Variants in JADE1 observed in about 807,000 individuals in gnomAD.
JADE1 encodes the protein protein Jade-1.
Under a neutral mutation model 81.8 loss-of-function variants are expected in JADE1, and 14 were observed. That is an observed-to-expected ratio of 0.17 (90% CI 0.11 to 0.27). The LOEUF is 0.27. Among genes scored for constraint, JADE1 ranks in the 10% least tolerant of loss-of-function variants. The pLI is 1.00. For synonymous variants in JADE1, 353 were observed against 391.9 expected (o/e 0.90, Z 1.17); for missense variants, 690 against 1,047.9 (o/e 0.66, Z 4.71).
chr4:128,873,770 G>C lies in JADE1; in HGVS notation c.*1508G>C, dbSNP rs941660734. On this transcript the variant is annotated 3_prime_UTR_variant, in exon 11 of 11. Transcript: ENST00000226319. ...AGATTCCTGATTCATTTATACATCT[G>C]TTTCCATATGGCAGGGACATTATGA... The C allele has an allele frequency of 2.0e-5, 3 of 152,470 alleles. No individual in the cohort carries two copies. The highest frequency in any genetic ancestry group is 4.8e-5 in the African/African-American group (2 of 41,438). The allele number at this position is 152,470 out of a possible 1,614,324, so 9.4% of individuals were successfully genotyped here.
At position 128,817,586 on chromosome 4, in the gene JADE1, T is replaced by G. The variant is rs554260587; in HGVS notation, c.-27+7709T>G. Among the ~76,000 whole-genome samples the G allele has an allele frequency of 2.0e-5, 3 of 152,348 alleles. No individual in the cohort carries two copies. In the South Asian group the frequency reaches 6.2e-4, roughly 32 times the overall value. On this transcript the variant is annotated intron_variant, in intron 1 of 10. Coordinates refer to ENST00000226319, the MANE Select transcript of JADE1 (RefSeq NM_199320.4). ...TTGAGGTTGAACTTCATGGCTTGCT[T>G]TAATTTAGCACAAAGTACACTAAAT... is the stretch of plus-strand genomic sequence containing the variant.
At chr4:128,824,746 TTTAA>T (rs1326242256) in intron 1 of JADE1, among the ~76,000 whole-genome samples, 1 of 152,234 alleles carries the variant, frequency 6.6e-6, no homozygotes, top group Non-Finnish European at 1.5e-5. Flanking sequence ...TGTAGCGGTC[TTTAA>T]TTGAGTACCT....
intron 1 of JADE1, chr4:128,811,845 A>G (rs1437332191): frequency 2.6e-5 from 4 of 151,816 alleles, no homozygotes; most frequent in African/African-American, 9.7e-5. Flanking sequence ...GACAGAGGTG[A>G]TACACAGTTT....
intron 1 of JADE1, among the ~76,000 whole-genome samples, chr4:128,818,230 C>T (rs1379110486): frequency 2.6e-5 from 4 of 152,026 alleles, no homozygotes; most frequent in Non-Finnish European, 4.4e-5. Context: ...AAGCAATTCT[C>T]CTGCCTCAGC....
chr4:128,819,470 G>C (rs756083994), intron 1 of JADE1, among the ~76,000 whole-genome samples: 3 of 152,004 alleles, frequency 2.0e-5, no homozygotes, highest in Non-Finnish European at 2.9e-5. Flanking sequence ...CACACCCTCC[G>C]GGGGGGTCAA....
intron 1 of JADE1, among the ~76,000 whole-genome samples, chr4:128,829,958 A>T (rs2125823919): frequency 6.6e-6 from 1 of 151,020 alleles, no homozygotes; most frequent in Admixed American, 6.6e-5. Flanking sequence ...ACTCATTCCA[A>T]CCTCCGCCTC....
intron 1 of JADE1, among the ~76,000 whole-genome samples, chr4:128,818,395 A>C (rs1327943921): frequency 6.6e-6 from 1 of 152,138 alleles, no homozygotes; most frequent in East Asian, 1.9e-4. Context: ...TGGTGGGATT[A>C]GAAACGTGAG....
chr4:128,859,271 A>G (rs1473330427), intron 8 of JADE1, among the ~76,000 whole-genome samples: 1 of 150,558 alleles, frequency 6.6e-6, no homozygotes, highest in African/African-American at 2.5e-5. Flanking sequence ...TGGGGGTGTG[A>G]GTGTGCATGT....
rs878888918 is a variant in JADE1, at chr4:128,861,898, C to A, written c.1176C>A (p.Ser392=). 1 of 1,613,948 alleles carries A rather than the reference C, an allele frequency of 6.2e-7. No individual in the cohort carries two copies. Among genetic ancestry groups the A allele is most frequent in the South Asian group, 1.1e-5 (1 of 91,088 alleles). ...AAQENGAPEC[S]PRNPLEPFAS... Reference sequence around the variant, plus strand: ...AGGAGAATGGGGCCCCTGAGTGTTCCCCCCGGAATCCGCTGGAGCCCTTTG... The same window carrying A: ...AGGAGAATGGGGCCCCTGAGTGTTCACCCCGGAATCCGCTGGAGCCCTTTG... The change falls in exon 9 of 11, where the codon TCC becomes TCA. Residue 392 remains serine (S), a synonymous_variant. Coordinates refer to ENST00000226319, the MANE Select transcript of JADE1 (RefSeq NM_199320.4).
At chr4:128,813,407 C>CTTTTTTTTTTTTTT (rs72296886) in intron 1 of JADE1, among the ~76,000 whole-genome samples, 13 of 115,554 alleles carry the variant, frequency 1.1e-4, no homozygotes, top group East Asian at 5.0e-4. Context: ...CTTACGGTCA[C>CTTTTTTTTTTTTTT]TTTTTTTTTT....
At chr4:128,845,852 A>G (rs1729826922) in intron 3 of JADE1, among the ~76,000 whole-genome samples, 1 of 151,602 alleles carries the variant, frequency 6.6e-6, no homozygotes, top group African/African-American at 2.4e-5. Flanking sequence ...TGAACCTGGG[A>G]GGCAGAGGTT....
chr4:128,869,806 G>A (rs1240498632), intron 10 of JADE1, among the ~76,000 whole-genome samples: 1 of 152,216 alleles, frequency 6.6e-6, no homozygotes, highest in Non-Finnish European at 1.5e-5. Flanking sequence ...TCTTCCTGTA[G>A]GATTCTGTTG....
At chr4:128,858,762 C>T (rs955360638) in intron 8 of JADE1, among the ~76,000 whole-genome samples, 43 of 152,024 alleles carry the variant, frequency 2.8e-4, no homozygotes, top group African/African-American at 8.9e-4. Context: ...ACCAGCAAGC[C>T]CGGCTAATTC....
Position 128,872,285 on chromosome 4 carries a change from C to A in JADE1, c.*23C>A. ...TGATGCAACAGAGATGATGCGGAAG[C>A]CCTTTGGGCTCGTCATTGGGTTTGC... On this transcript the variant is annotated 3_prime_UTR_variant, in exon 11 of 11. Transcript: ENST00000226319. 6.2e-7 allele frequency: 1 copy of A among 1,601,010 alleles called. No homozygotes were observed. The highest frequency in any genetic ancestry group is 8.5e-7 in the Non-Finnish European group (1 of 1,171,026).
At chr4:128,849,519 A>T (rs1047312198) in intron 5 of JADE1, among the ~76,000 whole-genome samples, 4 of 152,180 alleles carry the variant, frequency 2.6e-5, no homozygotes, top group African/African-American at 9.7e-5. Flanking sequence ...TTTTCCTGTG[A>T]TGCCATTCGG....
At chr4:128,862,995 G>C (rs1731483888) in intron 9 of JADE1, 1 of 985,742 alleles carries the variant, frequency 1.0e-6, no homozygotes, top group South Asian at 4.7e-5. Context: ...AGGGGTGTCA[G>C]ATCTGTCTGA....
rs932852503 is a variant in JADE1, at chr4:128,843,394, G to C, written c.138+356G>C. 3.3e-5 allele frequency among the ~76,000 whole-genome samples: 5 copies of C among 152,302 alleles called. No individual in the cohort carries two copies. In the East Asian group the frequency reaches 9.7e-4, roughly 29 times the overall value. On this transcript the variant is annotated intron_variant, in intron 3 of 10. Coordinates refer to ENST00000226319, the MANE Select transcript of JADE1 (RefSeq NM_199320.4). ...TCTGGCCAGGATATCAGCAGGTTCA[G>C]CTGCTGCCAAGTCACTGCCAGCCTC...
At chr4:128,856,441 T>C (rs1730804221) in intron 7 of JADE1, among the ~76,000 whole-genome samples, 1 of 152,160 alleles carries the variant, frequency 6.6e-6, no homozygotes, top group Non-Finnish European at 1.5e-5. Flanking sequence ...CTTAAACAGC[T>C]GTGGCCTGGG....
At chr4:128,853,007 C>G (rs936096174) in intron 6 of JADE1, among the ~76,000 whole-genome samples, 1 of 151,574 alleles carries the variant, frequency 6.6e-6, no homozygotes, top group African/African-American at 2.4e-5. Flanking sequence ...GTGATTCTTC[C>G]TCCTCCGCCT....
Sources: gnomAD v4.1 joint callset for allele counts (sites outside exome capture counted in the v4.1 genomes callset) on GRCh38, gnomAD v4.1.1 for gene constraint, MANE v1.5 for transcripts, NCBI Gene and HGNC (gene_info 2026-07-23, HGNC 2026-07-21) for gene names.